Variants in OAS2 observed in about 807,000 individuals in gnomAD.
OAS2 encodes 2'-5'-oligoadenylate synthase 2.
A neutral mutation model predicts 71.3 loss-of-function variants in OAS2; 67 were observed. The ratio of observed to expected loss-of-function variants is 0.94; its 90% confidence interval spans 0.77 to 1.15. OAS2 has a LOEUF of 1.15. Ranked by LOEUF, OAS2 falls within the 50% of genes most tolerant of loss-of-function variation. The probability of loss-of-function intolerance (pLI) is 0.00; values close to 1 mark genes in which losing one functional copy is unlikely to be tolerated. For synonymous variants in OAS2, 327 were observed against 321.8 expected, an observed-to-expected ratio of 1.02 and a Z score of -0.17; for missense variants, 789 against 822.5, an observed-to-expected ratio of 0.96 and a Z score of 0.50.
chr12:112,983,590 T>C (rs1007475934), intron 1 of OAS2, among the ~76,000 whole-genome samples: 2 of 152,224 alleles, frequency 1.3e-5, no homozygotes, highest in Admixed American at 1.3e-4. Flanking sequence ...TTCTACTTTT[T>C]TTGATGTAAG....
chr12:112,995,344 C>A lies in OAS2; in HGVS notation c.497C>A (p.Ser166Tyr). ...TGGATCTATCGAGAGCTCAAAAGAT[C>A]CTTGGATAAGACAAATGCCAGTCCT... Reference protein sequence around the residue: ...SPWIYRELKRSLDKTNASPGE... With the variant: ...SPWIYRELKRYLDKTNASPGE... Residue 166 changes from serine (S) to tyrosine (Y), a missense_variant, in exon 3 of 10, where the codon TCC becomes TAC. Ser to Tyr is a moderately radical substitution (Grantham distance 144, BLOSUM62 -2). Transcript: ENST00000392583. 2.5e-6 allele frequency: 4 copies of A among 1,613,966 alleles called. No individual in the cohort carries two copies. The highest frequency in any genetic ancestry group is 3.4e-6 in the Non-Finnish European group (4 of 1,179,936).
chr12:112,987,912 A>G, intron 2 of OAS2: 1 of 985,574 alleles, frequency 1.0e-6, no homozygotes, highest in Non-Finnish European at 1.2e-6. Context: ...GTCTCAGCAA[A>G]CATTCCCACA....
chr12:112,993,838 A>G (rs1293759), intron 2 of OAS2, among the ~76,000 whole-genome samples: 120,475 of 152,164 alleles, frequency 0.79, 48,766 homozygotes, highest in East Asian at 1. Context: ...GTGCCATTGC[A>G]GTCCAGCCTG....
At position 112,997,765 on chromosome 12, in the gene OAS2, T is replaced by G; in HGVS notation, c.863+10T>G. ...AGCTCCAATCAGCGAGGTGCCAAGC[T>G]TCTCACACCCTATCCCTGTACCTCA... On this transcript the variant is annotated intron_variant, in intron 4 of 9. Coordinates refer to ENST00000392583, the MANE Select transcript of OAS2 (RefSeq NM_002535.3). 2.6e-6 allele frequency: 4 copies of G among 1,551,204 alleles called. No individual in the cohort carries two copies. The highest frequency in any genetic ancestry group is 3.5e-6 in the Non-Finnish European group (4 of 1,143,998).
intron 9 of OAS2, 61 bp from the exon 10 acceptor site, chr12:113,009,025 AC>A (rs2044357908): frequency 6.4e-7 from 1 of 1,565,974 alleles, no homozygotes; most frequent in Middle Eastern, 2.4e-4. Context: ...TATAGGATGG[AC>A]CCCAAATTCT....
At chr12:113,002,007 C>A (rs1346406080) in intron 5 of OAS2, among the ~76,000 whole-genome samples, 1 of 152,038 alleles carries the variant, frequency 6.6e-6, no homozygotes, top group African/African-American at 2.4e-5. Context: ...TGCCCCCCAG[C>A]TTGGGTGACA....
intron 4 of OAS2, 165 bp from the exon 5 acceptor site, chr12:112,998,101 C>A: frequency 1.4e-6 from 1 of 694,816 alleles, no homozygotes; most frequent in Non-Finnish European, 2.4e-6. Flanking sequence ...AAACCCAGGG[C>A]CAGAGGGGCT....
At chr12:112,999,133 A>T (rs1489425704) in intron 5 of OAS2, among the ~76,000 whole-genome samples, 1 of 152,228 alleles carries the variant, frequency 6.6e-6, no homozygotes, top group African/African-American at 2.4e-5. Context: ...GGATGCCAGG[A>T]CAGGCTCTGA....
chr12:113,006,089 C>T (rs1260304122), intron 7 of OAS2, among the ~76,000 whole-genome samples: 1 of 152,138 alleles, frequency 6.6e-6, no homozygotes, highest in Non-Finnish European at 1.5e-5. Flanking sequence ...TGACATGTGG[C>T]TACAGCAACT....
chr12:112,979,673 C>G (rs1174840322), intron 1 of OAS2, among the ~76,000 whole-genome samples: 2 of 152,152 alleles, frequency 1.3e-5, no homozygotes, highest in Non-Finnish European at 2.9e-5. Flanking sequence ...AAGTGTCCAG[C>G]TTGATAGGTA....
intron 2 of OAS2, among the ~76,000 whole-genome samples, chr12:112,991,991 T>C (rs1430162649): frequency 6.6e-6 from 1 of 151,878 alleles, no homozygotes; most frequent in Non-Finnish European, 1.5e-5. Flanking sequence ...TGTAGATGGA[T>C]GGATGGATAG....
At chr12:112,983,720 T>C (rs2044104401) in intron 1 of OAS2, among the ~76,000 whole-genome samples, 1 of 152,238 alleles carries the variant, frequency 6.6e-6, no homozygotes. Flanking sequence ...CCAGTGGTTG[T>C]CCAGGAGCGT....
intron 1 of OAS2, among the ~76,000 whole-genome samples, chr12:112,980,644 G>A (rs1233849001): frequency 6.6e-6 from 1 of 152,168 alleles, no homozygotes; most frequent in African/African-American, 2.4e-5. Flanking sequence ...AGCTGCTGAT[G>A]GATACGTTGG....
chr12:112,988,846 G>T (rs2044164914), intron 2 of OAS2: 2 of 549,128 alleles, frequency 3.6e-6, no homozygotes, highest in Non-Finnish European at 2.3e-6. Flanking sequence ...TGAGATCCAA[G>T]AACCCTCTCT....
chr12:113,008,291 C>T (rs951182379), intron 9 of OAS2, among the ~76,000 whole-genome samples: 1 of 152,048 alleles, frequency 6.6e-6, no homozygotes, highest in African/African-American at 2.4e-5. Context: ...CTCTTTCAGA[C>T]CTTCAAGAAT....
At chr12:112,988,188 G>A (rs966239325) in intron 2 of OAS2, 103 of 985,308 alleles carry the variant, frequency 1.0e-4, no homozygotes, top group Non-Finnish European at 1.2e-4. Flanking sequence ...GCATTAATGA[G>A]CAGGTTTAGG....
Position 112,978,565 on chromosome 12 carries a change from C to G in OAS2, c.-44C>G. On this transcript the variant is annotated 5_prime_UTR_variant, in exon 1 of 10. Transcript: ENST00000392583. The surrounding 1 kb of genome is among the most constrained non-coding windows in gnomAD (Gnocchi z 4.2). ...GGCAGCAGCAAGAATTCCTCTGCCT[C>G]CCATCCTACCATTCACTGTCTTGCC... 2 of 1,607,164 alleles carry G rather than the reference C, an allele frequency of 1.2e-6. No individual in the cohort carries two copies. The highest frequency in any genetic ancestry group is 1.7e-6 in the Non-Finnish European group (2 of 1,174,590).
Position 112,978,867 on chromosome 12 carries a change from G to A in OAS2, c.177+82G>A, listed in dbSNP as rs1292169098. On this transcript the variant is annotated intron_variant, in intron 1 of 9. Coordinates refer to ENST00000392583, the MANE Select transcript of OAS2 (RefSeq NM_002535.3). This position sits in a 1 kb window ranked among gnomAD's most constrained non-coding sequence, Gnocchi z 4.2. ...AAGGCCGAGCTACTGGGTGCTGGGT[G>A]CCTATTATGTGCGAGGCCCACACTT... 7.2e-7 allele frequency: 1 copy of A among 1,384,144 alleles called. No homozygotes were observed. Among genetic ancestry groups the A allele is most frequent in the Non-Finnish European group, 9.9e-7 (1 of 1,015,218 alleles). The allele number at this position is 1,384,144 out of a possible 1,614,324, so 85.7% of individuals were successfully genotyped here.
rs2044246252 is a variant in OAS2, at chr12:112,997,618, T to G, written c.726T>G (p.Phe242Leu). ...AACAGGGGTGCAGAAAAGACAACTT[T>G]GACATTGCTGAAGGCGTCAGAACCG... ...AWEQGCRKDN[F>L]DIAEGVRTVL... The change falls in exon 4 of 10, where the codon TTT becomes TTG. Residue 242 changes from phenylalanine to leucine, a missense_variant. Transcript: ENST00000392583. 1 of 1,613,966 alleles carries G rather than the reference T, an allele frequency of 6.2e-7. No homozygotes were observed. Among genetic ancestry groups the G allele is most frequent in the Non-Finnish European group, 8.5e-7 (1 of 1,179,982 alleles).
Sources: gnomAD v4.1 joint callset for allele counts (sites outside exome capture counted in the v4.1 genomes callset) on GRCh38, gnomAD v4.1.1 for gene constraint, Gnocchi (gnomAD v3.1) non-coding constraint, MANE v1.5 for transcripts, NCBI Gene and HGNC (gene_info 2026-07-23, HGNC 2026-07-21) for gene names.